The following ANXA4 variants were observed in gnomAD, a reference collection of about 807,000 sequenced individuals.
ANXA4 encodes the protein annexin A4.
In ANXA4, 39 loss-of-function variants were observed where a neutral mutation model predicts 49.8. The ratio of observed to expected loss-of-function variants is 0.78; its 90% CI spans 0.61 to 1.02. ANXA4 has a LOEUF of 1.02. ANXA4 is among the 50% of genes least tolerant of loss of function. The probability of loss-of-function intolerance (pLI) is 0.00; values close to 1 mark genes in which losing one functional copy is unlikely to be tolerated. For synonymous variants in ANXA4, 134 were observed against 152.5 expected (o/e 0.88, Z 0.89); for missense variants, 360 against 410.1 (o/e 0.88, Z 1.05).
intron 2 of ANXA4, among the ~76,000 whole-genome samples, chr2:69,673,739 G>T (rs889373011): frequency 6.7e-6 from 1 of 148,778 alleles, no homozygotes; most frequent in South Asian, 2.1e-4. Context: ...AAGTGAAGGA[G>T]AAAAGTGCTG....
intron 2 of ANXA4, among the ~76,000 whole-genome samples, chr2:69,699,693 T>G (rs1372578003): frequency 6.6e-6 from 1 of 151,908 alleles, no homozygotes; most frequent in Non-Finnish European, 1.5e-5. Flanking sequence ...AAAAACAAAT[T>G]TAGGCTTACC....
chr2:69,805,114 A>G (rs1159070790), intron 4 of ANXA4, among the ~76,000 whole-genome samples: 1 of 151,584 alleles, frequency 6.6e-6, no homozygotes, highest in Non-Finnish European at 1.5e-5. Context: ...GATCTTAAAC[A>G]AGTTCTTAAA....
chr2:69,760,608 G>A (rs58618032), intron 1 of ANXA4, among the ~76,000 whole-genome samples: 3,808 of 152,036 alleles, frequency 0.025, 148 homozygotes, highest in African/African-American at 0.082. Flanking sequence ...AGTATTCTGG[G>A]GCTTTGTTTT....
At chr2:69,651,526 A>G (rs755890039) in intron 1 of ANXA4, among the ~76,000 whole-genome samples, 2 of 152,092 alleles carry the variant, frequency 1.3e-5, no homozygotes, top group East Asian at 3.9e-4. Context: ...TTTTTGAGAC[A>G]GAGTCTCGCT....
At chr2:69,804,137 CAAAA>C (rs377321563) in intron 3 of ANXA4, among the ~76,000 whole-genome samples, 7,237 of 88,776 alleles carry the variant, frequency 0.082, 495 homozygotes, top group Admixed American at 0.26. Context: ...GACTTTCTCT[CAAAA>C]AAAAAAAAAA....
intron 9 of ANXA4, chr2:69,817,788 A>C (rs1674063089): frequency 6.6e-6 from 1 of 152,216 alleles, no homozygotes; most frequent in African/African-American, 2.4e-5. Flanking sequence ...TGTGACACCC[A>C]GGAAGTTTAA....
At chr2:69,791,892 A>G (rs376166469) in intron 3 of ANXA4, among the ~76,000 whole-genome samples, 9 of 152,244 alleles carry the variant, frequency 5.9e-5, no homozygotes, top group African/African-American at 2.2e-4. Context: ...GTGTTTTTCA[A>G]AAACCCAGCA....
At chr2:69,773,341 C>G (rs914041616) in intron 1 of ANXA4, among the ~76,000 whole-genome samples, 2 of 152,182 alleles carry the variant, frequency 1.3e-5, no homozygotes, top group Non-Finnish European at 2.9e-5. Flanking sequence ...TCCCTGCCTC[C>G]TCACTTGTCA....
chr2:69,721,234 C>T lies in ANXA4; in HGVS notation n.864+363C>T, dbSNP rs191224530. ...CTGCTGTTTTTCATCTCTTACCCAGCCTGTTTGCTCATTTAAGCTAATTGT... is the reference window on the plus strand; with the variant it reads ...CTGCTGTTTTTCATCTCTTACCCAGTCTGTTTGCTCATTTAAGCTAATTGT... On this transcript the variant is annotated intron_variant and non_coding_transcript_variant, in intron 3 of 3. Transcript: ENST00000418066. Among the ~76,000 whole-genome samples the T allele has an allele frequency of 1.9e-3, 287 of 152,346 alleles. 1 individual carries two copies. Among genetic ancestry groups the T allele is most frequent in the African/African-American group, 6.1e-3 (253 of 41,576 alleles).
chr2:69,778,314 T>A (rs911687418), intron 1 of ANXA4, among the ~76,000 whole-genome samples: 1 of 152,178 alleles, frequency 6.6e-6, no homozygotes, highest in South Asian at 2.1e-4. Context: ...AAAAATATAT[T>A]TTAAAATTGT....
intron 2 of ANXA4, among the ~76,000 whole-genome samples, chr2:69,675,015 C>T (rs1203068457): frequency 2.6e-5 from 4 of 151,628 alleles, no homozygotes; most frequent in African/African-American, 7.3e-5. Flanking sequence ...CTCCACCTCC[C>T]GGGTTCAAGC....
At chr2:69,774,683 A>G (rs1168050739) in intron 1 of ANXA4, among the ~76,000 whole-genome samples, 1 of 152,180 alleles carries the variant, frequency 6.6e-6, no homozygotes, top group African/African-American at 2.4e-5. Context: ...GACCTGGGTA[A>G]CAGGCATATT....
chr2:69,728,463 A>G (rs1054824830), intron 3 of ANXA4, among the ~76,000 whole-genome samples: 1 of 152,216 alleles, frequency 6.6e-6, no homozygotes, highest in African/African-American at 2.4e-5. Context: ...ACCTACCACA[A>G]GGTCATGAAG....
At chr2:69,746,363 GT>G (rs559132581) in intron 1 of ANXA4, among the ~76,000 whole-genome samples, 2 of 151,942 alleles carry the variant, frequency 1.3e-5, no homozygotes, top group African/African-American at 4.8e-5. Context: ...TGATTAACAG[GT>G]TTTTTTTCCC....
At chr2:69,681,295 G>T (rs149475953) in intron 2 of ANXA4, among the ~76,000 whole-genome samples, 3,363 of 150,900 alleles carry the variant, frequency 0.022, 100 homozygotes, top group African/African-American at 0.076. Context: ...GTGTATAGTT[G>T]TTCATAACAG....
intron 1 of ANXA4, among the ~76,000 whole-genome samples, chr2:69,761,170 A>G (rs947671327): frequency 1.3e-5 from 2 of 152,240 alleles, no homozygotes; most frequent in African/African-American, 4.8e-5. Context: ...TCATTTCAAC[A>G]TGTAATCAAT....
At chr2:69,719,395 TGGGACTACA>T (rs1669758558) in intron 2 of ANXA4, among the ~76,000 whole-genome samples, 1 of 151,316 alleles carries the variant, frequency 6.6e-6, no homozygotes, top group Non-Finnish European at 1.5e-5. Context: ...CCTGAGTAGC[TGGGACTACA>T]GGTATGTGCC....
chr2:69,716,562 G>A (rs1669640132), intron 2 of ANXA4, among the ~76,000 whole-genome samples: 1 of 152,098 alleles, frequency 6.6e-6, no homozygotes, highest in Admixed American at 6.6e-5. Context: ...CTTTATGTGA[G>A]GGCGACAGGG....
intron 2 of ANXA4, among the ~76,000 whole-genome samples, chr2:69,701,815 CT>C (rs58727087): frequency 0.25 from 37,678 of 149,284 alleles, 5,789 homozygotes; most frequent in East Asian, 0.45. Flanking sequence ...TTATTGGCGA[CT>C]TTTTTTTTTA....
Sources: gnomAD v4.1 joint callset for allele counts (sites outside exome capture counted in the v4.1 genomes callset) on GRCh38, gnomAD v4.1.1 for gene constraint, MANE v1.5 for transcripts, NCBI Gene and HGNC (gene_info 2026-07-23, HGNC 2026-07-21) for gene names.